The following USP24 variants were observed in gnomAD, a reference collection of about 807,000 sequenced individuals.
USP24 encodes ubiquitin specific peptidase 24.
USP24 carries 97 observed loss-of-function variants against 361.6 expected under a neutral mutation model. That is an observed-to-expected ratio of 0.27 (90% CI 0.23 to 0.32). The LOEUF (loss-of-function observed/expected upper bound fraction) is 0.32, where lower values mean the gene tolerates loss of function less well. Among genes scored for constraint, USP24 ranks in the 10% least tolerant of loss-of-function variants. The pLI is 1.00. For missense variants in USP24, 2,353 were observed against 3,165.6 expected (o/e 0.74, Z 6.16); for synonymous variants, 1,098 against 1,124.6 (o/e 0.98, Z 0.47).
chr1:55,172,461 G>A lies in USP24; in HGVS notation c.618C>T (p.Asn206=), dbSNP rs184217649. ...WGTEIHEGIY[N]MLMLLIELVA... is the part of the protein sequence containing the mutation. The stretch of plus-strand genomic sequence containing the variant: ...CCAGTTCTATTAATAGCATCAACAT[G>A]TTGTAAATTCCTTCATGAATTTCAG... The change falls in exon 4 of 68, where the codon AAC becomes AAT. Residue 206 remains asparagine (N), a synonymous_variant. Coordinates refer to ENST00000294383, the MANE Select transcript of USP24 (RefSeq NM_015306.3). The A allele has an allele frequency of 3.7e-6, 6 of 1,613,418 alleles. No homozygotes were observed. The East Asian group carries it at 1.3e-4, about 36-fold the overall frequency.
At chr1:55,204,269 AG>A (rs1557707528) in intron 1 of USP24, among the ~76,000 whole-genome samples, 2 of 152,192 alleles carry the variant, frequency 1.3e-5, no homozygotes, top group African/African-American at 4.8e-5. Context: ...GCCTAAAATA[AG>A]ACCAGTTCCT....
At chr1:55,203,613 T>C (rs1285890264) in intron 1 of USP24, among the ~76,000 whole-genome samples, 4 of 152,250 alleles carry the variant, frequency 2.6e-5, no homozygotes, top group Non-Finnish European at 5.9e-5. Flanking sequence ...ACAATCACTA[T>C]GGACTGGGAG....
At chr1:55,210,311 T>C (rs1644818118) in intron 1 of USP24, among the ~76,000 whole-genome samples, 1 of 152,232 alleles carries the variant, frequency 6.6e-6, no homozygotes, top group Admixed American at 6.5e-5. Context: ...TAATTCCCTA[T>C]TTTTATTTCA....
In USP24 at chr1:55,096,500, T is replaced by G; in HGVS notation, c.6059A>C (p.Gln2020Pro). Residue 2020 changes from glutamine (Q) to proline (P), a missense_variant and splice_region_variant, in exon 50 of 68, where the codon CAA becomes CCA. By Grantham distance (76) the Gln-to-Pro change is moderately conservative. Coordinates refer to ENST00000294383, the MANE Select transcript of USP24 (RefSeq NM_015306.3). ...GGEYRPKVYDQTNPYTDVRRR... is the reference protein window; with the variant it reads ...GGEYRPKVYDPTNPYTDVRRR... ...AATATCCATTTGTAAATACTTACTT[T>G]GATCATAAACTTTTGGTCTATATTC... The G allele has an allele frequency of 6.4e-7, 1 of 1,570,682 alleles. No individual in the cohort carries two copies. Among genetic ancestry groups the G allele is most frequent in the African/African-American group, 1.4e-5 (1 of 73,410 alleles).
chr1:55,094,110 T>A (rs1645440473), intron 51 of USP24, 23 bp from the exon 52 acceptor site: 1 of 1,602,836 alleles, frequency 6.2e-7, no homozygotes, highest in Non-Finnish European at 8.5e-7. Flanking sequence ...ATCAGAAAAC[T>A]CTGTCTAGTA....
intron 1 of USP24, among the ~76,000 whole-genome samples, chr1:55,178,795 G>A (rs1363511141): frequency 6.6e-6 from 1 of 152,152 alleles, no homozygotes; most frequent in Non-Finnish European, 1.5e-5. Flanking sequence ...GGAGGCTGAG[G>A]TGGGAGGATC....
At chr1:55,166,955 AG>A in intron 5 of USP24, among the ~76,000 whole-genome samples, 1 of 152,248 alleles carries the variant, frequency 6.6e-6, no homozygotes, top group Non-Finnish European at 1.5e-5. Context: ...CATAAGAAGC[AG>A]TAAATCAGCA....
chr1:55,076,713 C>T lies in USP24; in HGVS notation c.7380+522G>A, dbSNP rs114979590. ...TTTACTCCATCCTTCAATACAACTG[C>T]CAGAGGATTTTTTTTTCCCCTGCTC... On this transcript the variant is annotated intron_variant, in intron 62 of 67. Coordinates refer to ENST00000294383, the MANE Select transcript of USP24 (RefSeq NM_015306.3). Among the ~76,000 whole-genome samples the T allele has an allele frequency of 6.7e-3, 1,026 of 152,288 alleles. 7 individuals are homozygous for T. Among genetic ancestry groups the T allele is most frequent in the African/African-American group, 0.019 (795 of 41,560 alleles).
chr1:55,165,803 T>C (rs1648772845), intron 7 of USP24, 82 bp downstream of exon 7: 25 of 1,144,336 alleles, frequency 2.2e-5, no homozygotes, highest in Non-Finnish European at 2.6e-5. Flanking sequence ...TAACTTGGCA[T>C]GTCCAGACCA....
At chr1:55,132,332 T>C (rs982557650) in intron 31 of USP24, among the ~76,000 whole-genome samples, 1 of 152,204 alleles carries the variant, frequency 6.6e-6, no homozygotes, top group African/African-American at 2.4e-5. Flanking sequence ...TGATTTGTTA[T>C]AGCAGCCCAA....
intron 17 of USP24, among the ~76,000 whole-genome samples, chr1:55,148,181 CA>C (rs1472306491): frequency 6.6e-6 from 1 of 151,152 alleles, no homozygotes; most frequent in East Asian, 1.9e-4. Flanking sequence ...TTAATCTTTT[CA>C]AACCAATTTT....
intron 38 of USP24, 27 bp downstream of exon 38, chr1:55,120,569 G>T (rs761821982): frequency 2.6e-6 from 4 of 1,531,946 alleles, no homozygotes; most frequent in Non-Finnish European, 3.5e-6. Flanking sequence ...TCTGTATAAG[G>T]TTAGCTTTTC....
chr1:55,107,024 T>G (rs1484301840), intron 40 of USP24, among the ~76,000 whole-genome samples: 1 of 152,212 alleles, frequency 6.6e-6, no homozygotes, highest in African/African-American at 2.4e-5. Flanking sequence ...TCCAGCTATT[T>G]TGAACACCAT....
intron 12 of USP24, among the ~76,000 whole-genome samples, chr1:55,155,238 T>C (rs1647515205): frequency 6.6e-6 from 1 of 152,224 alleles, no homozygotes; most frequent in Non-Finnish European, 1.5e-5. Context: ...TTAATGTTTA[T>C]TTATCCTATT....
chr1:55,213,435 A>T (rs1012266082), intron 1 of USP24, among the ~76,000 whole-genome samples: 6 of 152,216 alleles, frequency 3.9e-5, no homozygotes, highest in African/African-American at 1.4e-4. Flanking sequence ...CTTCTTGTTC[A>T]AGCTACTTCA....
At chr1:55,071,154 A>G (rs1388890474) in intron 67 of USP24, 2 of 985,326 alleles carry the variant, frequency 2.0e-6, no homozygotes, top group Non-Finnish European at 2.4e-6. Context: ...CATCAGTAAC[A>G]TTCATTTAAT....
chr1:55,136,893 A>G (rs1044089794), intron 28 of USP24, among the ~76,000 whole-genome samples: 2 of 152,200 alleles, frequency 1.3e-5, no homozygotes, highest in Non-Finnish European at 2.9e-5. Flanking sequence ...TTAAAACTAA[A>G]AAGTGGAAGT....
chr1:55,122,816 G>A (rs78042683), intron 36 of USP24, among the ~76,000 whole-genome samples: 1 of 152,166 alleles, frequency 6.6e-6, no homozygotes, highest in Non-Finnish European at 1.5e-5. Context: ...GATTAGAGGA[G>A]CTCAGTTCTG....
chr1:55,168,200 T>G (rs1049588607), intron 5 of USP24, among the ~76,000 whole-genome samples: 1 of 151,954 alleles, frequency 6.6e-6, no homozygotes, highest in Non-Finnish European at 1.5e-5. Flanking sequence ...GTGCTGTTGA[T>G]GGGGGTCAAG....
Sources: allele counts gnomAD v4.1 joint callset (sites outside exome capture counted in the v4.1 genomes callset), GRCh38; gene constraint gnomAD v4.1.1; transcripts MANE v1.5; gene names NCBI Gene and HGNC (gene_info 2026-07-23, HGNC 2026-07-21).